ARL5A: variants seen among roughly 807,000 people sequenced by gnomAD.
The protein encoded by ARL5A is ARF like GTPase 5A, also known as ADP-ribosylation factor-like protein 5A.
In ARL5A, 18 loss-of-function variants were observed where a neutral mutation model predicts 25.9. The ratio of observed to expected loss-of-function variants is 0.69; its 90% confidence interval spans 0.48 to 1.03. The LOEUF is 1.03. ARL5A is among the 50% of genes least tolerant of loss of function. The pLI, the probability that ARL5A is intolerant of heterozygous loss-of-function variation, is 0.00. For missense variants in ARL5A, 170 were observed against 211.9 expected, an observed-to-expected ratio of 0.80 and a Z score of 1.23; for synonymous variants, 61 against 67.5, an observed-to-expected ratio of 0.90 and a Z score of 0.47.
At chr2:151,824,931 A>G (rs1178517520) in intron 1 of ARL5A, among the ~76,000 whole-genome samples, 1 of 152,254 alleles carries the variant, frequency 6.6e-6, no homozygotes, top group Non-Finnish European at 1.5e-5. Flanking sequence ...TAAGGGGAAT[A>G]ATATCTACCT....
intron 1 of ARL5A, among the ~76,000 whole-genome samples, chr2:151,823,173 A>G (rs2099832582): frequency 6.6e-6 from 1 of 152,224 alleles, no homozygotes; most frequent in Non-Finnish European, 1.5e-5. Flanking sequence ...CATATTCACT[A>G]TAGTTCTCTT....
intron 1 of ARL5A, among the ~76,000 whole-genome samples, chr2:151,821,309 AAACT>A (rs1176028439): frequency 6.6e-6 from 1 of 152,234 alleles, no homozygotes; most frequent in Non-Finnish European, 1.5e-5. Flanking sequence ...AAGGGAAACC[AAACT>A]AATATATTTG....
chr2:151,812,591 G>A, intron 3 of ARL5A, 151 bp from the exon 4 acceptor site: 1 of 485,870 alleles, frequency 2.1e-6, no homozygotes, highest in Non-Finnish European at 3.6e-6. Context: ...ACATTGTGAA[G>A]CCAAAAGGTC....
At chr2:151,804,741 A>G (rs975596883) in intron 5 of ARL5A, among the ~76,000 whole-genome samples, 26 of 152,164 alleles carry the variant, frequency 1.7e-4, no homozygotes, top group Admixed American at 2.6e-4. Flanking sequence ...AATCCTTCCA[A>G]TGTTACAGAG....
chr2:151,828,328 G>A lies in ARL5A; in HGVS notation c.-152C>T, dbSNP rs944407781. ...GCCCGCTTCCAGGGAACCGGAGGGAGGCCGAAGCCCAGGCCGCCCTGCCGC... is the reference window on the plus strand; with the variant it reads ...GCCCGCTTCCAGGGAACCGGAGGGAAGCCGAAGCCCAGGCCGCCCTGCCGC... On this transcript the variant is annotated 5_prime_UTR_variant, in exon 1 of 6. Transcript: ENST00000295087. 3.7e-5 allele frequency: 24 copies of A among 640,056 alleles called. No homozygotes were observed. The African/African-American group carries it at 4.5e-4, about 12-fold the overall frequency. 39.6% of individuals were successfully genotyped at this position (640,056 alleles called of 1,614,324 possible).
chr2:151,823,754 C>G (rs569316156), intron 1 of ARL5A, among the ~76,000 whole-genome samples: 1 of 152,144 alleles, frequency 6.6e-6, no homozygotes, highest in Non-Finnish European at 1.5e-5. Context: ...CCTCCCTCTT[C>G]GGTGCTGAGG....
chr2:151,818,974 T>C (rs953862555), intron 1 of ARL5A, among the ~76,000 whole-genome samples: 1 of 152,098 alleles, frequency 6.6e-6, no homozygotes, highest in Non-Finnish European at 1.5e-5. Context: ...GGGCAGAATT[T>C]AGATGGGCTT....
rs2099829496 is a variant in ARL5A, at chr2:151,802,093, TAATAG to T, written c.*1178_*1182del. 6.6e-6 allele frequency: 1 copy of T among 152,128 alleles called. No individual in the cohort carries two copies. The highest frequency in any genetic ancestry group is 2.1e-4 in the South Asian group (1 of 4,834). 9.4% of individuals were successfully genotyped at this position (152,128 alleles called of 1,614,324 possible). Reference sequence around the variant, plus strand: ...TTTTATAATTGTCAATGCATTTATGTAATAGAAGATACAACAAAATTTAGAAATAA... The same window carrying T: ...TTTTATAATTGTCAATGCATTTATGTAAGATACAACAAAATTTAGAAATAA... On this transcript the variant is annotated 3_prime_UTR_variant, in exon 6 of 6. Coordinates refer to ENST00000295087, the MANE Select transcript of ARL5A (RefSeq NM_012097.4).
At position 151,803,283 on chromosome 2, in the gene ARL5A, A is replaced by AT; in HGVS notation, c.532dup (p.Ile178AsnfsTer2). ...AGAAGAGGTCAGTAGAGATCATCTA[A>AT]TCTTAAGTCGTGACATCATCCATTC... is the stretch of plus-strand genomic sequence containing the variant. On this transcript the variant is annotated frameshift_variant, in exon 6 of 6. Transcript: ENST00000295087. LOFTEE classifies it high-confidence loss of function. 1 of 1,612,490 alleles carries AT rather than the reference A, an allele frequency of 6.2e-7. No individual in the cohort carries two copies. Among genetic ancestry groups the AT allele is most frequent in the South Asian group, 1.1e-5 (1 of 91,046 alleles).
At chr2:151,810,608 C>T (rs1360344465) in intron 4 of ARL5A, 2 of 435,522 alleles carry the variant, frequency 4.6e-6, no homozygotes, top group African/African-American at 2.0e-5. Flanking sequence ...CAAAACCTGG[C>T]TCTTAAAAAG....
chr2:151,815,271 T>C lies in ARL5A; in HGVS notation c.47-72A>G, dbSNP rs577500341. 209 of 1,222,814 alleles carry C rather than the reference T, an allele frequency of 1.7e-4. 4 individuals carry two copies. In the South Asian group the frequency reaches 2.5e-3, roughly 15 times the overall value. The allele number at this position is 1,222,814 out of a possible 1,614,324, so 75.7% of individuals were successfully genotyped here. On this transcript the variant is annotated intron_variant, in intron 1 of 5. Transcript: ENST00000295087. Reference sequence around the variant, plus strand: ...AAAAGATTAATTATAGGAAAAAATATACTCTGTATCTCACCCTTCTATCTA... The same window carrying C: ...AAAAGATTAATTATAGGAAAAAATACACTCTGTATCTCACCCTTCTATCTA...
At chr2:151,808,730 T>A (rs1343969305) in intron 4 of ARL5A, among the ~76,000 whole-genome samples, 1 of 152,228 alleles carries the variant, frequency 6.6e-6, no homozygotes, top group Non-Finnish European at 1.5e-5. Flanking sequence ...TAAATATTTT[T>A]TCTTTTCTCC....
rs761855980 is a variant in ARL5A at position 151,828,193 on chromosome 2, C to A, written c.-17G>T. On this transcript the variant is annotated 5_prime_UTR_variant, in exon 1 of 6. Coordinates refer to ENST00000295087, the MANE Select transcript of ARL5A (RefSeq NM_012097.4). The stretch of plus-strand genomic sequence containing the variant: ...AATTCCCATTCTCGGGCAGCGGACC[C>A]CCCCCCTCCAGACACCCGGGCCGCC... 9 of 1,600,620 alleles carry A rather than the reference C, an allele frequency of 5.6e-6. No individual in the cohort carries two copies. The highest frequency in any genetic ancestry group is 4.4e-5 in the South Asian group (4 of 90,394).
Position 151,801,784 on chromosome 2 carries a change from T to A in ARL5A, c.*1492A>T, listed in dbSNP as rs1233927524. On this transcript the variant is annotated 3_prime_UTR_variant, in exon 6 of 6. Transcript: ENST00000295087. ...TTAAAAGGCTGATATTGAAGGTAGTTTTTTTTTCTCAAATATGCTAAAACA... is the reference window on the plus strand; with the variant it reads ...TTAAAAGGCTGATATTGAAGGTAGTATTTTTTTCTCAAATATGCTAAAACA... The A allele has an allele frequency of 1.3e-5, 2 of 152,014 alleles. No individual in the cohort carries two copies. Among genetic ancestry groups the A allele is most frequent in the Non-Finnish European group, 2.9e-5 (2 of 67,924 alleles). 9.4% of individuals were successfully genotyped at this position (152,014 alleles called of 1,614,324 possible). A position where few individuals can be genotyped will look rare whatever the true frequency, so the allele number is the denominator to read the frequency against.
chr2:151,815,653 G>C (rs1364884010), intron 1 of ARL5A, among the ~76,000 whole-genome samples: 1 of 152,116 alleles, frequency 6.6e-6, no homozygotes, highest in Non-Finnish European at 1.5e-5. Flanking sequence ...TTTTTAAATG[G>C]GTAATCGTAA....
chr2:151,811,323 T>G (rs1182167077), intron 4 of ARL5A, among the ~76,000 whole-genome samples: 1 of 152,060 alleles, frequency 6.6e-6, no homozygotes, highest in East Asian at 1.9e-4. Flanking sequence ...TTGCAAAAAA[T>G]TCCACTGAAA....
intron 5 of ARL5A, 137 bp downstream of exon 5, chr2:151,806,684 G>T: frequency 1.3e-6 from 1 of 797,690 alleles, no homozygotes; most frequent in South Asian, 2.6e-5. Context: ...TCTGATTATA[G>T]ACATGAACTA....
In ARL5A at chr2:151,822,599, T is replaced by C. The variant is rs368140588; in HGVS notation, c.46+5532A>G. On this transcript the variant is annotated intron_variant, in intron 1 of 5. Transcript: ENST00000295087. The stretch of plus-strand genomic sequence containing the variant: ...TATAATGCACTTCGAAATAAAGACT[T>C]CATAGAATCCCAATATGCCTACTAC... Among the ~76,000 whole-genome samples, 4 of 152,352 alleles carry C rather than the reference T, an allele frequency of 2.6e-5. No homozygotes were observed. In the East Asian group the frequency reaches 7.7e-4, roughly 29 times the overall value.
chr2:151,823,146 CA>C (rs1266600552), intron 1 of ARL5A, among the ~76,000 whole-genome samples: 1 of 152,050 alleles, frequency 6.6e-6, no homozygotes, highest in Non-Finnish European at 1.5e-5. Context: ...TCTCTCAGAG[CA>C]AAAAATTCCA....
Sources: gnomAD v4.1 joint callset for allele counts (sites outside exome capture counted in the v4.1 genomes callset) on GRCh38, gnomAD v4.1.1 for gene constraint, MANE v1.5 for transcripts, NCBI Gene and HGNC (gene_info 2026-07-23, HGNC 2026-07-21) for gene names.